The following ARL13B variants were observed in gnomAD, a reference collection of about 807,000 sequenced individuals.
The protein encoded by ARL13B is ADP-ribosylation factor-like protein 13B.
ARL13B carries 36 observed loss-of-function variants against 56.1 expected under a neutral mutation model. The observed-to-expected ratio is 0.64, with a 90% CI of 0.49 to 0.85. The LOEUF is 0.85. ARL13B is among the 40% of genes least tolerant of loss of function. ARL13B has a pLI of 0.00. For missense variants in ARL13B, 519 were observed against 507.1 expected (o/e 1.02, Z -0.23); for synonymous variants, 178 against 171.1 (o/e 1.04, Z -0.32).
intron 4 of ARL13B, among the ~76,000 whole-genome samples, chr3:94,035,890 AGT>A (rs939350927): frequency 6.6e-6 from 1 of 152,054 alleles, no homozygotes; most frequent in Non-Finnish European, 1.5e-5. Context: ...TGGGCAACAT[AGT>A]GAGACCCTAG....
intron 3 of ARL13B, chr3:94,028,711 C>A (rs2076607088): frequency 6.6e-6 from 1 of 152,140 alleles, no homozygotes; most frequent in African/African-American, 2.4e-5. Context: ...CGTTAAACTG[C>A]CTACGTAGAG....
intron 9 of ARL13B, among the ~76,000 whole-genome samples, chr3:94,051,334 A>G (rs1167972070): frequency 6.6e-6 from 1 of 152,236 alleles, no homozygotes; most frequent in South Asian, 2.1e-4. Context: ...GCTGAACATT[A>G]AAGTGAAGTA....
rs2107117976 is a variant in ARL13B, at chr3:94,036,532, CAAAT to C, written c.487-15_487-12del. The stretch of plus-strand genomic sequence containing the variant: ...TGTGGAGACCTTTTAATCTTTTAGT[CAAAT>C]AAATTTCTGTTTTAGGAACCATGTT... On this transcript the variant is annotated splice_polypyrimidine_tract_variant and intron_variant, in intron 4 of 9. Coordinates refer to ENST00000394222, the MANE Select transcript of ARL13B (RefSeq NM_001174150.2). 1.2e-6 allele frequency: 2 copies of C among 1,611,282 alleles called. No individual in the cohort carries two copies. Among genetic ancestry groups the C allele is most frequent in the Non-Finnish European group, 1.7e-6 (2 of 1,178,058 alleles).
chr3:94,043,460 G>A (rs1356029012), intron 7 of ARL13B, among the ~76,000 whole-genome samples: 1 of 149,026 alleles, frequency 6.7e-6, no homozygotes, highest in Non-Finnish European at 1.5e-5. Context: ...AACTTATAAG[G>A]ATTTCAGCAG....
rs371557299 is a variant in ARL13B, at chr3:94,029,419, C to T, written c.381-5912C>T. 1.9e-4 allele frequency among the ~76,000 whole-genome samples: 27 copies of T among 140,084 alleles called. No individual in the cohort carries two copies. The East Asian group carries it at 5.6e-3, about 29-fold the overall frequency. 91.9% of individuals were successfully genotyped at this position (140,084 alleles called of 152,430 possible). Reference sequence around the variant, plus strand: ...CTGGAGTGCAGTGGCACGATCTTGGCTCACTGCAACCTCCGTCTCCCGGGT... The same window carrying T: ...CTGGAGTGCAGTGGCACGATCTTGGTTCACTGCAACCTCCGTCTCCCGGGT... On this transcript the variant is annotated intron_variant, in intron 3 of 9. Coordinates refer to ENST00000394222, the MANE Select transcript of ARL13B (RefSeq NM_001174150.2).
chr3:94,053,183 T>C lies in ARL13B; in HGVS notation c.1211-4T>C. On this transcript the variant is annotated splice_polypyrimidine_tract_variant and splice_region_variant and intron_variant, in intron 9 of 9. Coordinates refer to ENST00000394222, the MANE Select transcript of ARL13B (RefSeq NM_001174150.2). ...TGTGCATTTGGTTTTCTTTCTTTTC[T>C]TAGATTTCTATAGGAAGCCACTGCC... The C allele has an allele frequency of 1.9e-6, 3 of 1,610,432 alleles. No individual in the cohort carries two copies. The highest frequency in any genetic ancestry group is 2.5e-6 in the Non-Finnish European group (3 of 1,179,266).
intron 2 of ARL13B, among the ~76,000 whole-genome samples, chr3:94,002,254 T>A (rs1575953939): frequency 6.6e-6 from 1 of 152,150 alleles, no homozygotes; most frequent in Non-Finnish European, 1.5e-5. Flanking sequence ...TGACTTTTTT[T>A]TTTAAACTCT....
chr3:93,994,962 A>G (rs1442064876), intron 1 of ARL13B, among the ~76,000 whole-genome samples: 7 of 152,198 alleles, frequency 4.6e-5, no homozygotes, highest in Admixed American at 2.0e-4. Flanking sequence ...GAGATTGGCC[A>G]TACCCTATGG....
At chr3:94,021,368 T>C (rs2076445826) in intron 3 of ARL13B, among the ~76,000 whole-genome samples, 1 of 151,854 alleles carries the variant, frequency 6.6e-6, no homozygotes, top group African/African-American at 2.4e-5. Context: ...ATAATTTTTG[T>C]ATTTCTGGTA....
intron 2 of ARL13B, among the ~76,000 whole-genome samples, chr3:94,001,344 T>A (rs751474617): frequency 1.3e-5 from 2 of 152,198 alleles, no homozygotes; most frequent in Non-Finnish European, 2.9e-5. Context: ...AAAAAAATCC[T>A]TAATCTGAAT....
intron 5 of ARL13B, among the ~76,000 whole-genome samples, chr3:94,037,921 A>G (rs889867857): frequency 1.3e-5 from 2 of 151,946 alleles, no homozygotes; most frequent in African/African-American, 2.4e-5. Context: ...CTTTCTCTTT[A>G]TCCATGCCAG....
chr3:94,012,709 C>T (rs1439176602), intron 3 of ARL13B, among the ~76,000 whole-genome samples: 1 of 152,104 alleles, frequency 6.6e-6, no homozygotes, highest in East Asian at 1.9e-4. Flanking sequence ...ATACTTTATT[C>T]CTCTTTGATA....
rs1313540748 is a variant in ARL13B, at chr3:94,051,040, TTTA to T, written c.1210+151_1210+153del. On this transcript the variant is annotated intron_variant, in intron 9 of 9. Transcript: ENST00000394222. The stretch of plus-strand genomic sequence containing the variant: ...TTTTTCATTATACGTCTTTTTTCAT[TTTA>T]TTTAATTTTTTATTCTTAAGTATGC... 6 of 685,116 alleles carry T rather than the reference TTTA, an allele frequency of 8.8e-6. No homozygotes were observed. The African/African-American group carries it at 1.1e-4, about 12-fold the overall frequency. 42.4% of individuals were successfully genotyped at this position (685,116 alleles called of 1,614,324 possible).
chr3:94,021,508 A>C (rs549510834), intron 3 of ARL13B, among the ~76,000 whole-genome samples: 1 of 152,172 alleles, frequency 6.6e-6, no homozygotes, highest in Admixed American at 6.5e-5. Context: ...TATTGTATAA[A>C]ATATTTGATG....
intron 2 of ARL13B, among the ~76,000 whole-genome samples, chr3:93,998,237 C>T (rs1046135518): frequency 6.6e-6 from 1 of 152,162 alleles, no homozygotes; most frequent in Non-Finnish European, 1.5e-5. Context: ...CCTCTAAAGC[C>T]TGACATTCAT....
At chr3:94,041,698 C>A (rs540743340) in intron 6 of ARL13B, among the ~76,000 whole-genome samples, 2 of 152,106 alleles carry the variant, frequency 1.3e-5, no homozygotes, top group Non-Finnish European at 2.9e-5. Context: ...AGAACTCTTA[C>A]AAATTACTAT....
At chr3:94,013,576 A>G (rs1000448287) in intron 3 of ARL13B, among the ~76,000 whole-genome samples, 6 of 152,340 alleles carry the variant, frequency 3.9e-5, no homozygotes, top group Non-Finnish European at 8.8e-5. Context: ...CCAGTTACAA[A>G]TTAGATTCTT....
intron 3 of ARL13B, chr3:94,014,659 A>T: frequency 6.2e-7 from 1 of 1,613,560 alleles, no homozygotes; most frequent in South Asian, 1.1e-5. Flanking sequence ...TGCTTTAGTG[A>T]TATTGATTTC....
In ARL13B at chr3:94,054,199, A is replaced by C. The variant is rs756352898; in HGVS notation, c.*936A>C. The C allele has an allele frequency of 4.4e-6, 2 of 452,710 alleles. No individual in the cohort carries two copies. Among genetic ancestry groups the C allele is most frequent in the South Asian group, 3.1e-5 (2 of 64,196 alleles). 28.0% of individuals were successfully genotyped at this position (452,710 alleles called of 1,614,324 possible). On this transcript the variant is annotated 3_prime_UTR_variant, in exon 10 of 10. Coordinates refer to ENST00000394222, the MANE Select transcript of ARL13B (RefSeq NM_001174150.2). ...CTAATTCTTTCATGCCTTGAAATTA[A>C]ACTATGAAATTAAAGGCAGAAAAAC...
Sources: allele counts gnomAD v4.1 joint callset (sites outside exome capture counted in the v4.1 genomes callset), GRCh38; gene constraint gnomAD v4.1.1; transcripts MANE v1.5; gene names NCBI Gene and HGNC (gene_info 2026-07-23, HGNC 2026-07-21).